Variants in RAPGEF2 observed in about 807,000 individuals in gnomAD.
The protein encoded by RAPGEF2 is PDZ domain containing guanine nucleotide exchange factor (GEF) 1.
A neutral mutation model predicts 186.7 loss-of-function variants in RAPGEF2; 54 were observed. The ratio of observed to expected loss-of-function variants is 0.29; its 90% CI spans 0.23 to 0.36. The LOEUF is 0.36. Among genes scored for constraint, RAPGEF2 ranks in the 10% least tolerant of loss-of-function variants. RAPGEF2 has a pLI of 1.00. For synonymous variants in RAPGEF2, 712 were observed against 705.9 expected (o/e 1.01, Z -0.14); for missense variants, 1,532 against 2,045.0 (o/e 0.75, Z 4.84).
chr4:159,263,505 G>A (rs1757106387), intron 7 of RAPGEF2, among the ~76,000 whole-genome samples: 1 of 152,030 alleles, frequency 6.6e-6, no homozygotes, highest in Non-Finnish European at 1.5e-5. Flanking sequence ...CAGCCTCTAT[G>A]GTTTTTCCTC....
intron 25 of RAPGEF2, among the ~76,000 whole-genome samples, chr4:159,348,944 C>CT (rs1730789870): frequency 6.6e-6 from 1 of 152,200 alleles, no homozygotes; most frequent in Non-Finnish European, 1.5e-5. Context: ...GTTCTATATA[C>CT]TTTCTACATC....
At chr4:159,160,200 T>C (rs990902941) in intron 1 of RAPGEF2, among the ~76,000 whole-genome samples, 1 of 152,354 alleles carries the variant, frequency 6.6e-6, no homozygotes, top group Admixed American at 6.5e-5. Flanking sequence ...AATGTACCTT[T>C]TACTGATTCC....
chr4:159,169,361 A>G (rs1162338844), intron 1 of RAPGEF2, among the ~76,000 whole-genome samples: 1 of 152,236 alleles, frequency 6.6e-6, no homozygotes, highest in Non-Finnish European at 1.5e-5. Flanking sequence ...ATGGTGTACA[A>G]CGTGATTTGA....
chr4:159,122,329 A>T (rs1739785498), intron 1 of RAPGEF2, among the ~76,000 whole-genome samples: 1 of 151,918 alleles, frequency 6.6e-6, no homozygotes, highest in Non-Finnish European at 1.5e-5. Context: ...AAATACAAAA[A>T]TTAGTAGGGC....
At chr4:159,323,301 A>G (rs1311753986) in intron 10 of RAPGEF2, among the ~76,000 whole-genome samples, 158 bp from the exon 11 acceptor site, 2 of 152,206 alleles carry the variant, frequency 1.3e-5, no homozygotes, top group Non-Finnish European at 2.9e-5. Context: ...GCTGTGTTTT[A>G]TTCCTTATTC....
chr4:159,145,569 A>G (rs1427064699), intron 1 of RAPGEF2, among the ~76,000 whole-genome samples: 1 of 152,172 alleles, frequency 6.6e-6, no homozygotes, highest in African/African-American at 2.4e-5. Flanking sequence ...ATAACAGCCT[A>G]TTGAGATAAT....
intron 7 of RAPGEF2, among the ~76,000 whole-genome samples, chr4:159,276,031 A>G (rs1355589064): frequency 6.6e-6 from 1 of 152,188 alleles, no homozygotes; most frequent in Non-Finnish European, 1.5e-5. Context: ...TAAAGGTACT[A>G]TAGTAATTTT....
intron 7 of RAPGEF2, among the ~76,000 whole-genome samples, chr4:159,248,042 G>A (rs1754862456): frequency 1.3e-5 from 2 of 152,184 alleles, no homozygotes; most frequent in African/African-American, 2.4e-5. Context: ...GATTACAGGC[G>A]TGAGCCACTG....
intron 1 of RAPGEF2, among the ~76,000 whole-genome samples, chr4:159,177,692 G>GT (rs1433724155): frequency 6.6e-6 from 1 of 152,048 alleles, no homozygotes; most frequent in Non-Finnish European, 1.5e-5. Context: ...TAACCATACC[G>GT]TATCAATAAA....
At chr4:159,331,341 T>A in intron 13 of RAPGEF2, 90 bp from the exon 14 acceptor site, 1 of 700,368 alleles carries the variant, frequency 1.4e-6, no homozygotes, top group Non-Finnish European at 2.4e-6. Flanking sequence ...TTAGGTAAAT[T>A]ATTTGAAAGT....
intron 3 of RAPGEF2, among the ~76,000 whole-genome samples, chr4:159,195,757 T>C (rs551847646): frequency 6.6e-6 from 1 of 152,156 alleles, no homozygotes; most frequent in South Asian, 2.1e-4. Flanking sequence ...CCCAACCTGT[T>C]CTCCTAAAGT....
At chr4:159,274,625 G>T (rs1192002976) in intron 7 of RAPGEF2, among the ~76,000 whole-genome samples, 1 of 152,002 alleles carries the variant, frequency 6.6e-6, no homozygotes, top group Non-Finnish European at 1.5e-5. Flanking sequence ...CATCCTTAAC[G>T]AGTGGTCTTT....
chr4:159,106,212 G>A (rs1015868732), intron 1 of RAPGEF2, among the ~76,000 whole-genome samples: 2 of 152,172 alleles, frequency 1.3e-5, no homozygotes, highest in Non-Finnish European at 2.9e-5. Flanking sequence ...CATAGAAAAA[G>A]TAAACATAAG....
chr4:159,355,758 A>G (rs1731887926), intron 28 of RAPGEF2, 95 bp from the exon 29 acceptor site: 2 of 1,170,134 alleles, frequency 1.7e-6, no homozygotes, highest in Non-Finnish European at 2.4e-6. Context: ...CTGCTGCTAC[A>G]CTGTGGATGC....
chr4:159,217,236 G>C (rs968839907), intron 4 of RAPGEF2, among the ~76,000 whole-genome samples: 65 of 152,238 alleles, frequency 4.3e-4, no homozygotes, highest in African/African-American at 1.5e-3. Flanking sequence ...TATATTGCTT[G>C]ATGCTGAGAT....
intron 2 of RAPGEF2, among the ~76,000 whole-genome samples, chr4:159,191,825 C>T (rs1189279536): frequency 1.3e-5 from 2 of 151,966 alleles, no homozygotes; most frequent in African/African-American, 4.8e-5. Flanking sequence ...TAGATAATAG[C>T]TGGAAGGAGA....
At chr4:159,175,233 G>A (rs1344043009) in intron 1 of RAPGEF2, among the ~76,000 whole-genome samples, 4 of 152,086 alleles carry the variant, frequency 2.6e-5, no homozygotes, top group Admixed American at 2.6e-4. Flanking sequence ...AGTAAGTTCA[G>A]AAACAGTATT....
intron 1 of RAPGEF2, among the ~76,000 whole-genome samples, chr4:159,143,362 A>G (rs1317536): frequency 0.065 from 9,954 of 152,226 alleles, 1,127 homozygotes; most frequent in African/African-American, 0.22. Context: ...GTCTTCCCTA[A>G]TTTGGGTTCC....
At chr4:159,133,025 A>G (rs1192449301) in intron 1 of RAPGEF2, among the ~76,000 whole-genome samples, 1 of 152,006 alleles carries the variant, frequency 6.6e-6, no homozygotes, top group East Asian at 1.9e-4. Context: ...TCTTCCCAAA[A>G]ATTAAAAAAA....
Sources: gnomAD v4.1 joint callset for allele counts (sites outside exome capture counted in the v4.1 genomes callset) on GRCh38, gnomAD v4.1.1 for gene constraint, MANE v1.5 for transcripts, NCBI Gene and HGNC (gene_info 2026-07-23, HGNC 2026-07-21) for gene names.